Variants in PTPRD observed in about 807,000 individuals in gnomAD.
PTPRD encodes the protein receptor-type tyrosine-protein phosphatase delta.
Under a neutral mutation model 214.5 loss-of-function variants are expected in PTPRD, and 34 were observed. That is an observed-to-expected ratio of 0.16 (90% CI 0.12 to 0.21). PTPRD has a LOEUF of 0.21. Among genes scored for constraint, PTPRD ranks in the 10% least tolerant of loss-of-function variants. The pLI, the probability that PTPRD is intolerant of heterozygous loss-of-function variation, is 1.00. For synonymous variants in PTPRD, 1,128 were observed against 845.7 expected, an observed-to-expected ratio of 1.33 and a Z score of -5.79; for missense variants, 2,545 against 2,398.7, an observed-to-expected ratio of 1.06 and a Z score of -1.27.
chr9:10,176,547 G>A (rs2099249776), intron 3 of PTPRD, among the ~76,000 whole-genome samples: 1 of 151,782 alleles, frequency 6.6e-6, no homozygotes, highest in South Asian at 2.1e-4. Flanking sequence ...TAAATCTCAG[G>A]GTACTTTGAC....
chr9:9,738,653 G>T (rs935500666), intron 6 of PTPRD, among the ~76,000 whole-genome samples: 3 of 151,842 alleles, frequency 2.0e-5, no homozygotes, highest in Non-Finnish European at 2.9e-5. Context: ...TGTTGGCCAG[G>T]CTGGTCTCGA....
chr9:8,911,291 G>A (rs1264631988), intron 11 of PTPRD, among the ~76,000 whole-genome samples: 3 of 152,186 alleles, frequency 2.0e-5, no homozygotes, highest in East Asian at 1.9e-4. Context: ...ATAAACCCTC[G>A]TATTTAAGGT....
chr9:9,884,049 C>T (rs1482096238), intron 5 of PTPRD, among the ~76,000 whole-genome samples: 1 of 152,032 alleles, frequency 6.6e-6, no homozygotes. Flanking sequence ...TTATCTAAGA[C>T]TTATTCCCAA....
chr9:8,975,093 G>C (rs1735524385), intron 11 of PTPRD, among the ~76,000 whole-genome samples: 1 of 73,970 alleles, frequency 1.4e-5, no homozygotes, highest in Admixed American at 1.4e-4. Context: ...GCAAAACTCT[G>C]TCTCAAAAAA....
intron 8 of PTPRD, among the ~76,000 whole-genome samples, chr9:9,551,706 C>G (rs575299564): frequency 6.6e-6 from 1 of 151,966 alleles, no homozygotes; most frequent in Non-Finnish European, 1.5e-5. Flanking sequence ...ACATGCCAGT[C>G]CTACTGCATA....
chr9:9,031,189 A>G (rs1172663599), intron 10 of PTPRD, among the ~76,000 whole-genome samples: 3 of 142,298 alleles, frequency 2.1e-5, no homozygotes, highest in Non-Finnish European at 4.6e-5. Context: ...CAGGAAATAA[A>G]CCATATAAAT....
chr9:8,470,936 G>A, intron 31 of PTPRD, 59 bp downstream of exon 31: 1 of 1,445,900 alleles, frequency 6.9e-7, no homozygotes, highest in South Asian at 1.1e-5. Flanking sequence ...AGGGAGGGGG[G>A]CGGAAATGCA....
chr9:9,559,060 C>G (rs956071013), intron 8 of PTPRD, among the ~76,000 whole-genome samples: 77 of 152,332 alleles, frequency 5.1e-4, no homozygotes, highest in African/African-American at 1.9e-3. Context: ...CATGAGTGCA[C>G]CCATCCCGTT....
chr9:10,239,117 GT>G (rs2099638466), intron 3 of PTPRD, among the ~76,000 whole-genome samples: 1 of 151,884 alleles, frequency 6.6e-6, no homozygotes, highest in Admixed American at 6.6e-5. Flanking sequence ...TACATTTTAA[GT>G]TATAGACTAA....
intron 10 of PTPRD, among the ~76,000 whole-genome samples, chr9:9,135,086 T>C (rs2154477295): frequency 6.6e-6 from 1 of 152,318 alleles, no homozygotes; most frequent in Admixed American, 6.5e-5. Flanking sequence ...AATGAGATCA[T>C]AAATTCCTTG....
rs2097392528 is a variant in PTPRD, at chr9:8,500,996, C to T, written c.1886G>A (p.Ser629Asn). 6.2e-7 allele frequency: 1 copy of T among 1,613,842 alleles called. No individual in the cohort carries two copies. ...TSPSSTSILV[S>N]WQPPPVEKQN... ...TTTTTCCACTGGTGGAGGTTGCCAACTTACCAAAATACTAGTGGAACTTGG... is the reference window on the plus strand; with the variant it reads ...TTTTTCCACTGGTGGAGGTTGCCAATTTACCAAAATACTAGTGGAACTTGG... The change falls in exon 24 of 46, where the codon AGT becomes AAT. Residue 629 changes from serine (S) to asparagine (N), a missense_variant. Ser to Asn is a conservative substitution (Grantham distance 46). Coordinates refer to ENST00000381196, the MANE Select transcript of PTPRD (RefSeq NM_002839.4).
intron 7 of PTPRD, among the ~76,000 whole-genome samples, chr9:9,645,009 C>T (rs1328557108): frequency 6.6e-6 from 1 of 152,186 alleles, no homozygotes; most frequent in Non-Finnish European, 1.5e-5. Flanking sequence ...AGGCTGTCAC[C>T]TTGACTCTCC....
At chr9:8,626,292 C>T (rs2096032026) in intron 14 of PTPRD, among the ~76,000 whole-genome samples, 1 of 151,746 alleles carries the variant, frequency 6.6e-6, no homozygotes, top group South Asian at 2.1e-4. Flanking sequence ...TTTTAGTAAA[C>T]TCCTTTGTAA....
chr9:8,506,086 T>C (rs2097537895), intron 22 of PTPRD, among the ~76,000 whole-genome samples: 1 of 152,238 alleles, frequency 6.6e-6, no homozygotes, highest in Non-Finnish European at 1.5e-5. Flanking sequence ...TTCTGCTCAA[T>C]TCAAACAGAT....
At chr9:9,656,051 G>A (rs1183624521) in intron 7 of PTPRD, among the ~76,000 whole-genome samples, 2 of 152,164 alleles carry the variant, frequency 1.3e-5, no homozygotes, top group East Asian at 1.9e-4. Context: ...CATTAAGAAA[G>A]TGAAAATTAA....
chr9:10,166,028 T>C (rs1347453272), intron 3 of PTPRD, among the ~76,000 whole-genome samples: 1 of 149,764 alleles, frequency 6.7e-6, no homozygotes, highest in Non-Finnish European at 1.5e-5. Flanking sequence ...ACATATCATA[T>C]ATATTATGCA....
At chr9:8,947,029 C>CTTTTT (rs71317390) in intron 11 of PTPRD, among the ~76,000 whole-genome samples, 2 of 120,998 alleles carry the variant, frequency 1.7e-5, no homozygotes, top group Admixed American at 8.4e-5. Context: ...TTTTTCTTTT[C>CTTTTT]TTTTTTTTTT....
chr9:8,498,769 T>C (rs1296899276), intron 25 of PTPRD, among the ~76,000 whole-genome samples: 1 of 152,200 alleles, frequency 6.6e-6, no homozygotes, highest in African/African-American at 2.4e-5. Context: ...GGTAAGCCAG[T>C]ACATGAGTCA....
intron 11 of PTPRD, among the ~76,000 whole-genome samples, chr9:8,959,350 A>AGAT (rs1229623755): frequency 2.0e-5 from 3 of 151,996 alleles, no homozygotes; most frequent in African/African-American, 7.2e-5. Flanking sequence ...TTTTACTTCA[A>AGAT]GATTTGATAT....
Sources: gnomAD v4.1 joint callset for allele counts (sites outside exome capture counted in the v4.1 genomes callset) on GRCh38, gnomAD v4.1.1 for gene constraint, MANE v1.5 for transcripts, NCBI Gene and HGNC (gene_info 2026-07-23, HGNC 2026-07-21) for gene names.